PAPPA: variants seen among roughly 807,000 people sequenced by gnomAD.
PAPPA encodes the protein pappalysin-1.
PAPPA carries 60 observed loss-of-function variants against 164.0 expected under a neutral mutation model. The ratio of observed to expected loss-of-function variants is 0.37; its 90% CI spans 0.30 to 0.45. PAPPA has a LOEUF of 0.45. Among genes scored for constraint, PAPPA ranks in the 20% least tolerant of loss-of-function variants. The pLI, the probability that PAPPA is intolerant of heterozygous loss-of-function variation, is 1.00. For synonymous variants in PAPPA, 875 were observed against 814.1 expected (o/e 1.07, Z -1.27); for missense variants, 1,782 against 2,087.3 (o/e 0.85, Z 2.85).
intron 10 of PAPPA, among the ~76,000 whole-genome samples, chr9:116,313,003 A>G (rs1845740617): frequency 6.6e-6 from 1 of 150,618 alleles, no homozygotes; most frequent in Non-Finnish European, 1.5e-5. Flanking sequence ...GAATGGCGTG[A>G]ACCCGGGAGG....
intron 6 of PAPPA, 151 bp downstream of exon 6, chr9:116,227,703 C>T (rs928405171): frequency 1.3e-6 from 1 of 798,486 alleles, no homozygotes; most frequent in African/African-American, 1.7e-5. Flanking sequence ...GTCAAGCGCT[C>T]ATCCATTTGA....
intron 1 of PAPPA, among the ~76,000 whole-genome samples, chr9:116,159,672 C>T (rs1843644518): frequency 6.6e-6 from 1 of 152,200 alleles, no homozygotes; most frequent in Non-Finnish European, 1.5e-5. Context: ...CAAACTCTCA[C>T]CTTCCGTTGA....
At chr9:116,342,442 C>T (rs2118972202) in intron 13 of PAPPA, among the ~76,000 whole-genome samples, 1 of 152,228 alleles carries the variant, frequency 6.6e-6, no homozygotes, top group African/African-American at 2.4e-5. Context: ...CTGCAAAGCT[C>T]CCATCAGTGA....
intron 9 of PAPPA, chr9:116,287,195 A>G (rs1362141863): frequency 2.0e-5 from 3 of 152,352 alleles, no homozygotes; most frequent in African/African-American, 7.2e-5. Context: ...TGAATGCCTT[A>G]TGTACTTGAA....
At chr9:116,378,930 T>G (rs1014396505) in intron 20 of PAPPA, among the ~76,000 whole-genome samples, 2 of 152,198 alleles carry the variant, frequency 1.3e-5, no homozygotes, top group Non-Finnish European at 2.9e-5. Context: ...TGTACTTGAC[T>G]TTAGGAACCC....
chr9:116,372,677 G>T (rs1396733368), intron 19 of PAPPA, among the ~76,000 whole-genome samples: 7 of 151,808 alleles, frequency 4.6e-5, no homozygotes, highest in Admixed American at 2.6e-4. Context: ...ATGCCTTTAG[G>T]TGCTGAGACC....
At chr9:116,173,237 T>G (rs1183691292) in intron 1 of PAPPA, among the ~76,000 whole-genome samples, 1 of 152,224 alleles carries the variant, frequency 6.6e-6, no homozygotes, top group Non-Finnish European at 1.5e-5. Context: ...TTATTTATAA[T>G]TTATGATTTT....
intron 13 of PAPPA, among the ~76,000 whole-genome samples, chr9:116,336,809 A>C (rs556722525): frequency 2.6e-5 from 4 of 152,236 alleles, no homozygotes; most frequent in Non-Finnish European, 5.9e-5. Flanking sequence ...CCATCTTTAA[A>C]ATGATGATGG....
At chr9:116,201,828 A>G (rs1453641959) in intron 2 of PAPPA, among the ~76,000 whole-genome samples, 1 of 152,192 alleles carries the variant, frequency 6.6e-6, no homozygotes, top group African/African-American at 2.4e-5. Flanking sequence ...CTAACCTGAA[A>G]GAACTGTTTC....
chr9:116,203,133 T>C (rs1406410505), intron 2 of PAPPA, among the ~76,000 whole-genome samples: 1 of 152,182 alleles, frequency 6.6e-6, no homozygotes, highest in African/African-American at 2.4e-5. Context: ...CTCTAAACTT[T>C]GCAGGGAACT....
chr9:116,194,756 A>G (rs563059240), intron 2 of PAPPA, among the ~76,000 whole-genome samples: 1 of 152,276 alleles, frequency 6.6e-6, no homozygotes, highest in African/African-American at 2.4e-5. Flanking sequence ...AGTCTCCTCC[A>G]TTCTTGTGTG....
At chr9:116,155,428 T>G (rs933840277) in intron 1 of PAPPA, among the ~76,000 whole-genome samples, 2 of 152,158 alleles carry the variant, frequency 1.3e-5, no homozygotes, top group Non-Finnish European at 2.9e-5. Flanking sequence ...TTTTCCCCCC[T>G]CTAAATGAAT....
chr9:116,184,996 A>G (rs1369278941), intron 1 of PAPPA, among the ~76,000 whole-genome samples: 1 of 152,226 alleles, frequency 6.6e-6, no homozygotes, highest in Non-Finnish European at 1.5e-5. Flanking sequence ...ACCGAAGAGC[A>G]CATGTCAAGT....
intron 19 of PAPPA, among the ~76,000 whole-genome samples, chr9:116,368,589 C>A (rs1327913565): frequency 6.6e-6 from 1 of 152,222 alleles, no homozygotes; most frequent in African/African-American, 2.4e-5. Flanking sequence ...TCAACTGGGG[C>A]CCCCAGAGCT....
At chr9:116,203,068 C>A (rs963544806) in intron 2 of PAPPA, among the ~76,000 whole-genome samples, 3 of 152,076 alleles carry the variant, frequency 2.0e-5, no homozygotes, top group African/African-American at 7.2e-5. Context: ...GTTCCCACAC[C>A]CAGGTGTCCA....
Position 116,220,002 on chromosome 9 carries a change from G to T in PAPPA, c.1984G>T (p.Val662Phe), listed in dbSNP as rs374543024. 4 of 1,613,968 alleles carry T rather than the reference G, an allele frequency of 2.5e-6. No homozygotes were observed. Among genetic ancestry groups the T allele is most frequent in the South Asian group, 1.1e-5 (1 of 91,084 alleles). The change falls in exon 5 of 22, where the codon GTC becomes TTC. Residue 662 changes from valine (V) to phenylalanine (F), a missense_variant. Around this residue, in one of 2 missense-constraint regions of PAPPA, gnomAD observed 1,324 missense variants for 1,656.9 expected, o/e 0.80. Transcript: ENST00000328252. ...VARMHCYLDLVYQGWQPSRKP... is the reference protein window; with the variant it reads ...VARMHCYLDLFYQGWQPSRKP... ...CAGAATGCACTGTTACCTGGACCTG[G>T]TCTACCAGGGCTGGCAGCCCTCCAG...
At position 116,187,510 on chromosome 9, in the gene PAPPA, C is replaced by T; in HGVS notation, c.772C>T (p.Leu258=). 6.2e-7 allele frequency: 1 copy of T among 1,614,178 alleles called. No homozygotes were observed. Among genetic ancestry groups the T allele is most frequent in the Non-Finnish European group, 8.5e-7 (1 of 1,180,004 alleles). ...NYRGYIEHFS[L]WKVARTQREI... ...CCGGGGCTACATCGAGCACTTCAGT[C>T]TGTGGAAGGTGGCCAGGACTCAGCG... Residue 258 remains leucine (L), a synonymous_variant, in exon 2 of 22, where the codon CTG becomes TTG. Coordinates refer to ENST00000328252, the MANE Select transcript of PAPPA (RefSeq NM_002581.5). This position sits in a 1 kb window ranked among gnomAD's most constrained non-coding sequence, Gnocchi z 4.2.
chr9:116,320,934 A>C (rs1845846965), intron 10 of PAPPA, among the ~76,000 whole-genome samples: 1 of 152,128 alleles, frequency 6.6e-6, no homozygotes. Context: ...AGGTAGTGGG[A>C]GAGGCCCTGA....
intron 17 of PAPPA, among the ~76,000 whole-genome samples, chr9:116,359,638 C>T (rs957436975): frequency 2.6e-5 from 4 of 152,196 alleles, no homozygotes; most frequent in Non-Finnish European, 5.9e-5. Context: ...TTTCTGAATG[C>T]ACTAGCATCT....
Sources: allele counts gnomAD v4.1 joint callset (sites outside exome capture counted in the v4.1 genomes callset), GRCh38; gene constraint gnomAD v4.1.1; regional missense constraint gnomAD v4.1.1; non-coding constraint Gnocchi (gnomAD v3.1); transcripts MANE v1.5; gene names NCBI Gene and HGNC (gene_info 2026-07-23, HGNC 2026-07-21).